RBFOX1: variants seen among roughly 807,000 people sequenced by gnomAD.
RBFOX1 encodes the protein RNA binding fox-1 homolog 1.
A neutral mutation model predicts 57.7 loss-of-function variants in RBFOX1; 8 were observed. The observed-to-expected ratio is 0.14, with a 90% CI of 0.08 to 0.25. The LOEUF (loss-of-function observed/expected upper bound fraction) is 0.25. RBFOX1 is among the 10% of genes least tolerant of loss of function. The probability of loss-of-function intolerance (pLI) is 1.00; values close to 1 mark genes in which losing one functional copy is unlikely to be tolerated. For missense variants in RBFOX1, 611 were observed against 548.5 expected, an observed-to-expected ratio of 1.11 and a Z score of -1.14; for synonymous variants, 326 against 222.4, an observed-to-expected ratio of 1.47 and a Z score of -4.15.
intron 3 of RBFOX1, among the ~76,000 whole-genome samples, chr16:6,934,948 C>A (rs777703601): frequency 1.3e-5 from 2 of 152,086 alleles, no homozygotes; most frequent in Middle Eastern, 3.4e-3. Flanking sequence ...ATTAGCTTGG[C>A]CTGGTGGCAT....
chr16:6,672,087 T>C (rs963239292), intron 3 of RBFOX1, among the ~76,000 whole-genome samples: 1 of 152,248 alleles, frequency 6.6e-6, no homozygotes, highest in Non-Finnish European at 1.5e-5. Context: ...ACATTCGGTT[T>C]CAAAGACCGT....
At chr16:6,732,011 C>T (rs1038143454) in intron 3 of RBFOX1, among the ~76,000 whole-genome samples, 1 of 152,254 alleles carries the variant, frequency 6.6e-6, no homozygotes, top group Non-Finnish European at 1.5e-5. Context: ...TTTAAAGGAT[C>T]TAGGTAAATT....
chr16:5,903,873 G>T (rs1296483609), intron 4 of RBFOX1, among the ~76,000 whole-genome samples: 3 of 152,134 alleles, frequency 2.0e-5, no homozygotes, highest in Non-Finnish European at 4.4e-5. Context: ...CTTGGTTGGT[G>T]CAAGCCCTGC....
chr16:6,461,173 A>G (rs898302602), intron 2 of RBFOX1, among the ~76,000 whole-genome samples: 7 of 152,294 alleles, frequency 4.6e-5, no homozygotes, highest in Admixed American at 1.3e-4. Flanking sequence ...CTAGGTGATG[A>G]GGCTGATAGG....
chr16:7,584,784 A>G (rs937100417), intron 6 of RBFOX1, among the ~76,000 whole-genome samples: 2 of 152,236 alleles, frequency 1.3e-5, no homozygotes, highest in African/African-American at 4.8e-5. Context: ...TGTTGATACT[A>G]TAAATATAGT....
chr16:7,054,729 A>T (rs1327045171), intron 4 of RBFOX1, among the ~76,000 whole-genome samples: 1 of 152,182 alleles, frequency 6.6e-6, no homozygotes, highest in Non-Finnish European at 1.5e-5. Context: ...CCACAATAAA[A>T]ATGTGTCCTA....
At chr16:5,770,218 AG>A (rs1478521212) in intron 3 of RBFOX1, among the ~76,000 whole-genome samples, 1 of 152,248 alleles carries the variant, frequency 6.6e-6, no homozygotes, top group African/African-American at 2.4e-5. Context: ...TCAGAACACC[AG>A]TCACAACCCC....
chr16:7,035,215 G>C (rs1325360702), intron 3 of RBFOX1, among the ~76,000 whole-genome samples: 3 of 151,914 alleles, frequency 2.0e-5, no homozygotes, highest in Non-Finnish European at 1.5e-5. Context: ...GTCTCACTTT[G>C]AGTGTTAAGA....
chr16:7,356,999 G>T (rs2097226806), intron 4 of RBFOX1, among the ~76,000 whole-genome samples: 1 of 152,118 alleles, frequency 6.6e-6, no homozygotes, highest in Non-Finnish European at 1.5e-5. Context: ...CTCTGTGCTT[G>T]GCCATTTCAC....
At chr16:7,599,157 A>C (rs1211182049) in intron 9 of RBFOX1, among the ~76,000 whole-genome samples, 1 of 152,242 alleles carries the variant, frequency 6.6e-6, no homozygotes, top group African/African-American at 2.4e-5. Context: ...AACTGAAGCA[A>C]ACCTCTGATT....
chr16:7,175,007 G>A (rs2081376372), intron 4 of RBFOX1, among the ~76,000 whole-genome samples: 1 of 151,856 alleles, frequency 6.6e-6, no homozygotes, highest in Non-Finnish European at 1.5e-5. Flanking sequence ...TAATGATGTT[G>A]AGCATCTTTT....
chr16:5,620,062 G>A (rs756020544), intron 3 of RBFOX1, among the ~76,000 whole-genome samples: 2 of 151,634 alleles, frequency 1.3e-5, no homozygotes, highest in Non-Finnish European at 2.9e-5. Context: ...CTGGGTTGGC[G>A]CCTACTGTTT....
intron 3 of RBFOX1, among the ~76,000 whole-genome samples, chr16:5,736,878 C>G (rs2052595460): frequency 1.4e-5 from 2 of 147,218 alleles, no homozygotes; most frequent in South Asian, 4.6e-4. Context: ...TCCCTTCTTC[C>G]TTGTTTCTCG....
At chr16:7,080,376 C>G (rs747644584) in intron 4 of RBFOX1, among the ~76,000 whole-genome samples, 3 of 152,116 alleles carry the variant, frequency 2.0e-5, no homozygotes, top group Non-Finnish European at 2.9e-5. Flanking sequence ...TAAATCCTAG[C>G]AACAAGTAAC....
chr16:6,886,782 A>G (rs925612298), intron 3 of RBFOX1, among the ~76,000 whole-genome samples: 4 of 144,268 alleles, frequency 2.8e-5, no homozygotes, highest in African/African-American at 1.1e-4. Flanking sequence ...ACAAAACAAA[A>G]CAAAAAAAAA....
intron 4 of RBFOX1, among the ~76,000 whole-genome samples, chr16:7,064,212 A>C (rs1444501768): frequency 8.1e-6 from 1 of 123,144 alleles, no homozygotes; most frequent in African/African-American, 3.2e-5. Flanking sequence ...TATGTGGCCT[A>C]GGCTGGAGTG....
At chr16:7,142,848 G>C (rs1364798403) in intron 4 of RBFOX1, among the ~76,000 whole-genome samples, 2 of 151,840 alleles carry the variant, frequency 1.3e-5, no homozygotes, top group South Asian at 2.1e-4. Context: ...GGTCAGCCCT[G>C]AGTAATTTTC....
chr16:5,508,396 TGA>T (rs959735452), intron 2 of RBFOX1, among the ~76,000 whole-genome samples: 1 of 152,072 alleles, frequency 6.6e-6, no homozygotes, highest in African/African-American at 2.4e-5. Flanking sequence ...GCAGCAAGGG[TGA>T]GAGAGAGACA....
At chr16:6,310,743 G>A (rs960708714) in intron 1 of RBFOX1, among the ~76,000 whole-genome samples, 9 of 152,088 alleles carry the variant, frequency 5.9e-5, no homozygotes, top group Non-Finnish European at 1.3e-4. Flanking sequence ...CACTCCAATA[G>A]AAAAGACAGA....
Sources: gnomAD v4.1 joint callset for allele counts (sites outside exome capture counted in the v4.1 genomes callset) on GRCh38, gnomAD v4.1.1 for gene constraint, MANE v1.5 for transcripts, NCBI Gene and HGNC (gene_info 2026-07-23, HGNC 2026-07-21) for gene names.